The following RPL28 variants were observed in gnomAD, a reference collection of about 807,000 sequenced individuals.
The protein encoded by RPL28 is large ribosomal subunit protein eL28.
In RPL28, 4 loss-of-function variants were observed where a neutral mutation model predicts 12.5. The observed-to-expected ratio is 0.32, with a 90% confidence interval of 0.16 to 0.73. The LOEUF (loss-of-function observed/expected upper bound fraction) is 0.73, where lower values mean the gene tolerates loss of function less well. Ranked by LOEUF, RPL28 falls within the 30% of genes least tolerant of loss-of-function variation. The pLI is 0.66. For missense variants in RPL28, 214 were observed against 197.7 expected, an observed-to-expected ratio of 1.08 and a Z score of -0.49; for synonymous variants, 91 against 72.5, an observed-to-expected ratio of 1.26 and a Z score of -1.30.
At chr19:55,392,941 C>T (rs543522127), downstream of RPL28, among the ~76,000 whole-genome samples, 510 of 152,206 alleles carry the variant, frequency 3.4e-3, 3 homozygotes, top group African/African-American at 0.011. Context: ...ACACAGGCTG[C>T]GGGCCCCTTT....
chr19:55,395,915 GC>G (rs540669977), downstream of RPL28, among the ~76,000 whole-genome samples: 72 of 152,114 alleles, frequency 4.7e-4, no homozygotes, highest in South Asian at 4.2e-4. Flanking sequence ...GTATTCTTTT[GC>G]CCCCGGCTTC....
chr19:55,386,405 C>G lies in RPL28; in HGVS notation c.48C>G (p.Phe16Leu). 6.2e-7 allele frequency: 1 copy of G among 1,614,140 alleles called. No individual in the cohort carries two copies. Among genetic ancestry groups the G allele is most frequent in the Non-Finnish European group, 8.5e-7 (1 of 1,180,022 alleles). ...QWMVVRNCSS[F>L]LIKRNKQTYS... ...TGGTCGTGCGGAACTGCTCCAGTTT[C>G]CTGATCAAGAGGAATAAGCAGACCT... The change falls in exon 2 of 5, where the codon TTC (phenylalanine) becomes TTG (leucine). Residue 16 changes from phenylalanine to leucine, a missense_variant. Coordinates refer to ENST00000344063, the MANE Select transcript of RPL28 (RefSeq NM_000991.5).
chr19:55,398,036 A>G (rs2090035036), intron 4 of RPL28, among the ~76,000 whole-genome samples: 1 of 152,002 alleles, frequency 6.6e-6, no homozygotes, highest in South Asian at 2.1e-4. Context: ...TCTCTACTAA[A>G]AATACAAAAA....
chr19:55,393,369 T>C (rs1053411262), downstream of RPL28, among the ~76,000 whole-genome samples: 1 of 149,106 alleles, frequency 6.7e-6, no homozygotes, highest in Non-Finnish European at 1.5e-5. Context: ...CTGAGGCCTC[T>C]CTCCTCCCTG....
chr19:55,388,739 TG>T lies in RPL28; in HGVS notation c.*411del. The T allele has an allele frequency of 2.0e-6, 2 of 1,018,316 alleles. No individual in the cohort carries two copies. The highest frequency in any genetic ancestry group is 1.7e-5 in the African/African-American group (1 of 58,670). 63.1% of individuals were successfully genotyped at this position (1,018,316 alleles called of 1,614,324 possible). ...GGTGCTGTAGCACGGTTTGGGGACT[TG>T]GGGTGTTCCCAAGACCTGGGGGACG... On this transcript the variant is annotated 3_prime_UTR_variant, in exon 5 of 5. Coordinates refer to ENST00000344063, the MANE Select transcript of RPL28 (RefSeq NM_000991.5).
At position 55,389,639 on chromosome 19, in the gene RPL28, C is replaced by G; in HGVS notation, c.*1307C>G. ...TGAGGCAGACCACTGCCCTTCCGACCTCAGTCCTGTCTGCTCCAGTCTTGC... is the reference window on the plus strand; with the variant it reads ...TGAGGCAGACCACTGCCCTTCCGACGTCAGTCCTGTCTGCTCCAGTCTTGC... On this transcript the variant is annotated 3_prime_UTR_variant, in exon 5 of 5. Transcript: ENST00000344063. The G allele has an allele frequency of 2.0e-6, 2 of 985,536 alleles. No individual in the cohort carries two copies. Among genetic ancestry groups the G allele is most frequent in the Non-Finnish European group, 2.4e-6 (2 of 829,992 alleles). The allele number at this position is 985,536 out of a possible 1,614,324, so 61.0% of individuals were successfully genotyped here. A position where few individuals can be genotyped will look rare whatever the true frequency, so the allele number is the denominator to read the frequency against.
chr19:55,395,664 C>CGAA (rs1569045159), downstream of RPL28, among the ~76,000 whole-genome samples: 1 of 148,922 alleles, frequency 6.7e-6, no homozygotes, highest in Non-Finnish European at 1.5e-5. Flanking sequence ...AGGATGGTCT[C>CGAA]AATCTCCTGA....
At chr19:55,395,569 T>C (rs570643651), downstream of RPL28, among the ~76,000 whole-genome samples, 1 of 150,898 alleles carries the variant, frequency 6.6e-6, no homozygotes, top group Non-Finnish European at 1.5e-5. Context: ...TCAGCCTCCC[T>C]AGTAGCTGGG....
rs2089992020 is a variant in RPL28 at position 55,391,748 on chromosome 19, A to G, written c.*3416A>G. The stretch of plus-strand genomic sequence containing the variant: ...GTGCCCACAAATCCTGATTGTAGGA[A>G]TAAATTAATGACTTTTTATAAATAT... On this transcript the variant is annotated 3_prime_UTR_variant, in exon 5 of 5. Coordinates refer to ENST00000344063, the MANE Select transcript of RPL28 (RefSeq NM_000991.5). 1 of 1,501,954 alleles carries G rather than the reference A, an allele frequency of 6.7e-7. No individual in the cohort carries two copies. The highest frequency in any genetic ancestry group is 1.2e-5 in the South Asian group (1 of 80,784). 93.0% of individuals were successfully genotyped at this position (1,501,954 alleles called of 1,614,324 possible).
intron 1 of RPL28, 63 bp from the exon 2 acceptor site, chr19:55,386,287 C>CGTGGCCT: frequency 6.7e-7 from 1 of 1,486,628 alleles, no homozygotes; most frequent in Non-Finnish European, 9.3e-7. Flanking sequence ...GAGCGTGGCC[C>CGTGGCCT]GTGGCCTAAC....
At position 55,391,765 on chromosome 19, in the gene RPL28, TA is replaced by T; in HGVS notation, c.*3434del. 6.8e-7 allele frequency: 1 copy of T among 1,467,238 alleles called. No homozygotes were observed. Among genetic ancestry groups the T allele is most frequent in the Non-Finnish European group, 9.1e-7 (1 of 1,099,582 alleles). 90.9% of individuals were successfully genotyped at this position (1,467,238 alleles called of 1,614,324 possible). On this transcript the variant is annotated 3_prime_UTR_variant, in exon 5 of 5. Coordinates refer to ENST00000344063, the MANE Select transcript of RPL28 (RefSeq NM_000991.5). ...TTGTAGGAATAAATTAATGACTTTT[TA>T]TAAATATTTTGATCAGATGGACTCA...
chr19:55,389,646 C>T lies in RPL28; in HGVS notation c.*1314C>T, dbSNP rs1273833381. 1 of 985,538 alleles carries T rather than the reference C, an allele frequency of 1.0e-6. No homozygotes were observed. Among genetic ancestry groups the T allele is most frequent in the Non-Finnish European group, 1.2e-6 (1 of 829,990 alleles). The allele number at this position is 985,538 out of a possible 1,614,324, so 61.0% of individuals were successfully genotyped here. A position where few individuals can be genotyped will look rare whatever the true frequency, so the allele number is the denominator to read the frequency against. On this transcript the variant is annotated 3_prime_UTR_variant, in exon 5 of 5. Transcript: ENST00000344063. Reference sequence around the variant, plus strand: ...GACCACTGCCCTTCCGACCTCAGTCCTGTCTGCTCCAGTCTTGCCCAGCTC... The same window carrying T: ...GACCACTGCCCTTCCGACCTCAGTCTTGTCTGCTCCAGTCTTGCCCAGCTC...
At chr19:55,402,582 GGCTCAGCAGAT>G (rs2090068269) in intron 4 of RPL28, among the ~76,000 whole-genome samples, 3 of 152,192 alleles carry the variant, frequency 2.0e-5, no homozygotes, top group Admixed American at 2.0e-4. Context: ...CACAGTACCT[GGCTCAGCAGAT>G]GCTCAGCAGA....
chr19:55,388,341 C>T lies in RPL28; in HGVS notation c.*9C>T. On this transcript the variant is annotated 3_prime_UTR_variant, in exon 5 of 5. Coordinates refer to ENST00000344063, the MANE Select transcript of RPL28 (RefSeq NM_000991.5). ...CCACCAAGAGCTCCTGAGCCCCCTG[C>T]CCCCAGAGCAATAAAGTCAGCTGGC... 12 of 1,514,350 alleles carry T rather than the reference C, an allele frequency of 7.9e-6. No homozygotes were observed. Among genetic ancestry groups the T allele is most frequent in the Non-Finnish European group, 1.1e-5 (12 of 1,135,144 alleles). The allele number at this position is 1,514,350 out of a possible 1,614,324, so 93.8% of individuals were successfully genotyped here. A position where few individuals can be genotyped will look rare whatever the true frequency, so the allele number is the denominator to read the frequency against.
chr19:55,391,808 C>T lies in RPL28; in HGVS notation c.*3476C>T, dbSNP rs1400096596. ...ATGGACTCATGATCACAGATGTCTT[C>T]ACATGCCTATGACTAATTTGTACAC... On this transcript the variant is annotated 3_prime_UTR_variant, in exon 5 of 5. Coordinates refer to ENST00000344063, the MANE Select transcript of RPL28 (RefSeq NM_000991.5). The T allele has an allele frequency of 1.4e-6, 2 of 1,430,142 alleles. No homozygotes were observed. Among genetic ancestry groups the T allele is most frequent in the African/African-American group, 1.4e-5 (1 of 69,534 alleles). The allele number at this position is 1,430,142 out of a possible 1,614,324, so 88.6% of individuals were successfully genotyped here. A position where few individuals can be genotyped will look rare whatever the true frequency, so the allele number is the denominator to read the frequency against.
intron 4 of RPL28, among the ~76,000 whole-genome samples, chr19:55,399,283 C>T (rs562489408): frequency 6.6e-6 from 1 of 152,318 alleles, no homozygotes; most frequent in Admixed American, 6.5e-5. Flanking sequence ...TCTCCTGCCT[C>T]AGCCTTCCAA....
exon 5 of RPL28, chr19:55,402,947 C>A (rs1051601585): frequency 2.6e-6 from 4 of 1,520,790 alleles, no homozygotes; most frequent in Non-Finnish European, 3.5e-6. Context: ...TTTCAGCTTG[C>A]GGGAAGGGTT....
intron 4 of RPL28, chr19:55,401,568 G>A: frequency 1.9e-6 from 3 of 1,610,206 alleles, no homozygotes; most frequent in Non-Finnish European, 1.7e-6. Flanking sequence ...CAGGGTCGGT[G>A]GAGGAAGCTT....
intron 3 of RPL28, chr19:55,386,898 T>C: frequency 2.6e-6 from 4 of 1,510,522 alleles, no homozygotes; most frequent in Non-Finnish European, 2.6e-6. Context: ...TCCTCACCTG[T>C]AAAGTGGAGA....
Sources: gnomAD v4.1 joint callset for allele counts (sites outside exome capture counted in the v4.1 genomes callset) on GRCh38, gnomAD v4.1.1 for gene constraint, MANE v1.5 for transcripts, NCBI Gene and HGNC (gene_info 2026-07-23, HGNC 2026-07-21) for gene names.